Variants in DSE observed in about 807,000 individuals in gnomAD.
DSE encodes the protein dermatan sulfate epimerase.
Under a neutral mutation model 84.4 loss-of-function variants are expected in DSE, and 36 were observed. The ratio of observed to expected loss-of-function variants is 0.43; its 90% confidence interval spans 0.33 to 0.56. The LOEUF is 0.56. Ranked by LOEUF, DSE falls within the 20% of genes least tolerant of loss-of-function variation. The pLI, the probability that DSE is intolerant of heterozygous loss-of-function variation, is 0.06. For missense variants in DSE, 862 were observed against 1,169.6 expected (o/e 0.74, Z 3.84); for synonymous variants, 410 against 430.1 (o/e 0.95, Z 0.58).
At position 116,419,305 on chromosome 6, in the gene DSE, A is replaced by G. The variant is rs552251182; in HGVS notation, c.417-7269A>G. On this transcript the variant is annotated intron_variant, in intron 2 of 5. Transcript: ENST00000644252. ...ATTTAACATATTACTAACATTTAAC[A>G]TTCATGGTTAGTTTTCACATTTAAA... Among the ~76,000 whole-genome samples, 11 of 152,328 alleles carry G rather than the reference A, an allele frequency of 7.2e-5. No individual in the cohort carries two copies. In the South Asian group the frequency reaches 2.3e-3, roughly 32 times the overall value.
At chr6:116,349,224 T>TATAC (rs1778174902) in intron 2 of DSE, among the ~76,000 whole-genome samples, 2 of 152,242 alleles carry the variant, frequency 1.3e-5, no homozygotes, top group South Asian at 4.1e-4. Context: ...CACACACCCA[T>TATAC]ATACATACAT....
chr6:116,347,264 A>G (rs1483304008), intron 2 of DSE, among the ~76,000 whole-genome samples: 1 of 152,182 alleles, frequency 6.6e-6, no homozygotes, highest in African/African-American at 2.4e-5. Context: ...AATTGGAGAA[A>G]ACTCCTCTAA....
rs370218082 is a variant in DSE at position 116,279,541 on chromosome 6, C to T, written c.-54+20574C>T. ...GGCGGGAGGCTGGCCCTCTTCCTGC[C>T]CGGCTTTGATCGCCACATGACCGCG... On this transcript the variant is annotated intron_variant, in intron 2 of 3. Transcript: ENST00000430252. 1.3e-5 allele frequency: 21 copies of T among 1,605,266 alleles called. No homozygotes were observed. The highest frequency in any genetic ancestry group is 1.0e-4 in the Admixed American group (6 of 60,020).
chr6:116,443,740 T>G lies in DSE; in HGVS notation c.*6395T>G, dbSNP rs1466215885. On this transcript the variant is annotated 3_prime_UTR_variant, in exon 6 of 6. Coordinates refer to ENST00000644252, the MANE Select transcript of DSE (RefSeq NM_013352.4). ...TTAAGAAAAGAGCTTCTAAAAACAT[T>G]CAGTCAGCCCAGCACATTCCAAATT... The G allele has an allele frequency of 6.6e-6, 1 of 152,192 alleles. No individual in the cohort carries two copies. Among genetic ancestry groups the G allele is most frequent in the African/African-American group, 2.4e-5 (1 of 41,448 alleles). The allele number at this position is 152,192 out of a possible 1,614,324, so 9.4% of individuals were successfully genotyped here. A position where few individuals can be genotyped will look rare whatever the true frequency, so the allele number is the denominator to read the frequency against.
At chr6:116,352,949 T>C (rs1778388463) in intron 2 of DSE, among the ~76,000 whole-genome samples, 1 of 152,168 alleles carries the variant, frequency 6.6e-6, no homozygotes, top group South Asian at 2.1e-4. Flanking sequence ...TCTTCCAGAA[T>C]GAATGATTTG....
chr6:116,415,149 A>G (rs1195792943), intron 2 of DSE, among the ~76,000 whole-genome samples: 3 of 152,198 alleles, frequency 2.0e-5, no homozygotes, highest in Non-Finnish European at 2.9e-5. Context: ...TATGAGAGGT[A>G]AATTTTGAGA....
chr6:116,281,258 G>GAAGCTTGAAAGGCTTGAA (rs1163542776), intron 2 of DSE, among the ~76,000 whole-genome samples: 1 of 152,138 alleles, frequency 6.6e-6, no homozygotes, highest in Non-Finnish European at 1.5e-5. Context: ...GCAGCCTCTA[G>GAAGCTTGAAAGGCTTGAA]AAGCTTGAAA....
At chr6:116,284,435 A>G (rs1363552434) in intron 2 of DSE, among the ~76,000 whole-genome samples, 1 of 152,208 alleles carries the variant, frequency 6.6e-6, no homozygotes, top group African/African-American at 2.4e-5. Flanking sequence ...AGAAAGTAAT[A>G]GACCCATGAT....
chr6:116,359,616 G>A (rs544521903), intron 2 of DSE, among the ~76,000 whole-genome samples: 2 of 152,142 alleles, frequency 1.3e-5, no homozygotes, highest in Admixed American at 6.5e-5. Context: ...GATAGATCAG[G>A]GATAAATAAA....
intron 1 of DSE, chr6:116,255,133 A>C (rs533655571): frequency 8.5e-5 from 13 of 152,328 alleles, no homozygotes; most frequent in Admixed American, 2.0e-4. Context: ...TGCAAGACCA[A>C]AGGGAAATTT....
chr6:116,419,916 A>G (rs1339217643), intron 2 of DSE, among the ~76,000 whole-genome samples: 1 of 152,204 alleles, frequency 6.6e-6, no homozygotes, highest in African/African-American at 2.4e-5. Flanking sequence ...TTTGTTGGAA[A>G]GGTCTGACAA....
chr6:116,279,282 C>G (rs1245788972), intron 2 of DSE: 2 of 1,569,140 alleles, frequency 1.3e-6, no homozygotes, highest in Non-Finnish European at 1.7e-6. Context: ...CCATTACCTC[C>G]TTCTCCGCCA....
rs185486473 is a variant in DSE at position 116,334,567 on chromosome 6, C to T, written c.-53-64631C>T. Among the ~76,000 whole-genome samples, 1,046 of 152,270 alleles carry T rather than the reference C, an allele frequency of 6.9e-3. 22 individuals are homozygous for T. Among genetic ancestry groups the T allele is most frequent in the South Asian group, 0.056 (269 of 4,822 alleles). On this transcript the variant is annotated intron_variant, in intron 2 of 3. Coordinates refer to the DSE transcript ENST00000430252. ...ATTTTTTTTGCCTTCATTGCAATTG[C>T]TTTTGGCATCTTCATCATGAAATCT...
intron 2 of DSE, among the ~76,000 whole-genome samples, chr6:116,293,278 C>CTTT (rs5879371): frequency 0.07 from 10,137 of 144,262 alleles, 621 homozygotes; most frequent in African/African-American, 0.16. Flanking sequence ...TTCTTTTTTT[C>CTTT]TTTTTTTTTT....
Position 116,437,415 on chromosome 6 carries a change from C to A in DSE, c.*70C>A. The A allele has an allele frequency of 7.4e-7, 1 of 1,358,428 alleles. No homozygotes were observed. The highest frequency in any genetic ancestry group is 9.8e-7 in the Non-Finnish European group (1 of 1,024,664). The allele number at this position is 1,358,428 out of a possible 1,614,324, so 84.1% of individuals were successfully genotyped here. ...CTATGCAAAAAAAAAAATTTCTTTACCCCAGATTATCAGATTTTTTTCCCT... is the reference window on the plus strand; with the variant it reads ...CTATGCAAAAAAAAAAATTTCTTTAACCCAGATTATCAGATTTTTTTCCCT... On this transcript the variant is annotated 3_prime_UTR_variant, in exon 6 of 6. Coordinates refer to ENST00000644252, the MANE Select transcript of DSE (RefSeq NM_013352.4).
At chr6:116,390,289 C>A (rs1035420745) in intron 1 of DSE, among the ~76,000 whole-genome samples, 7 of 152,076 alleles carry the variant, frequency 4.6e-5, no homozygotes, top group Admixed American at 4.6e-4. Flanking sequence ...GGCTGGTCTC[C>A]AACTCCTGGG....
chr6:116,370,760 C>A, upstream of DSE: 2 of 915,660 alleles, frequency 2.2e-6, no homozygotes, highest in Non-Finnish European at 2.6e-6. Context: ...CGGGAGAAAG[C>A]GGGGCGGGCC....
intron 2 of DSE, among the ~76,000 whole-genome samples, chr6:116,322,183 A>G (rs758347287): frequency 4.4e-4 from 66 of 151,250 alleles, no homozygotes; most frequent in Non-Finnish European, 9.0e-4. Flanking sequence ...CAGGATAGGG[A>G]TTTTCACAGT....
At chr6:116,268,182 A>G (rs960733883) in intron 2 of DSE, among the ~76,000 whole-genome samples, 1 of 152,238 alleles carries the variant, frequency 6.6e-6, no homozygotes. Flanking sequence ...AAAATATTTT[A>G]TGCCATCTTT....
Sources: gnomAD v4.1 joint callset for allele counts (sites outside exome capture counted in the v4.1 genomes callset) on GRCh38, gnomAD v4.1.1 for gene constraint, MANE v1.5 for transcripts, NCBI Gene and HGNC (gene_info 2026-07-23, HGNC 2026-07-21) for gene names.